Variants in ATRNL1 observed in about 807,000 individuals in gnomAD.
ATRNL1 encodes the protein attractin-like protein 1.
In ATRNL1, 95 loss-of-function variants were observed where a neutral mutation model predicts 182.7. That is an observed-to-expected ratio of 0.52 (90% CI 0.44 to 0.62). ATRNL1 has a LOEUF of 0.62. Among genes scored for constraint, ATRNL1 ranks in the 20% least tolerant of loss-of-function variants. ATRNL1 has a pLI of 0.00. For missense variants in ATRNL1, 1,471 were observed against 1,679.5 expected (o/e 0.88, Z 2.17); for synonymous variants, 576 against 568.3 (o/e 1.01, Z -0.19).
At chr10:115,566,517 C>G (rs1854085306) in intron 26 of ATRNL1, among the ~76,000 whole-genome samples, 1 of 151,988 alleles carries the variant, frequency 6.6e-6, no homozygotes, top group South Asian at 2.1e-4. Flanking sequence ...GTAGAATGTT[C>G]TTTGAAATGC....
At chr10:115,755,187 C>G (rs1178325556) in intron 27 of ATRNL1, among the ~76,000 whole-genome samples, 2 of 152,100 alleles carry the variant, frequency 1.3e-5, no homozygotes, top group African/African-American at 4.8e-5. Flanking sequence ...ATTGCCCTGG[C>G]CAGAACTTCC....
intron 17 of ATRNL1, among the ~76,000 whole-genome samples, chr10:115,315,047 C>T (rs1462989819): frequency 6.6e-6 from 1 of 152,068 alleles, no homozygotes; most frequent in African/African-American, 2.4e-5. Context: ...AATAGGTAGT[C>T]CAAATATAGC....
At chr10:115,437,813 G>A (rs1017478655) in intron 21 of ATRNL1, among the ~76,000 whole-genome samples, 6 of 151,958 alleles carry the variant, frequency 3.9e-5, no homozygotes, top group East Asian at 1.9e-4. Context: ...TAACTTTATC[G>A]AATGCCTTTA....
intron 26 of ATRNL1, among the ~76,000 whole-genome samples, chr10:115,685,730 A>T (rs570513340): frequency 2.1e-4 from 32 of 151,922 alleles, no homozygotes; most frequent in Non-Finnish European, 4.3e-4. Context: ...TATCATCTGT[A>T]TTTTTATTTG....
chr10:115,327,002 A>C (rs1261326078), intron 18 of ATRNL1, among the ~76,000 whole-genome samples: 24 of 152,138 alleles, frequency 1.6e-4, no homozygotes, highest in Non-Finnish European at 3.2e-4. Context: ...CCTAGGCATT[A>C]CCATTCAGGA....
At chr10:115,614,216 C>T (rs781867975) in intron 26 of ATRNL1, among the ~76,000 whole-genome samples, 8 of 151,712 alleles carry the variant, frequency 5.3e-5, no homozygotes, top group South Asian at 2.1e-4. Context: ...GGTTTTGGGG[C>T]GTTGTTTTCT....
At chr10:115,806,891 C>G (rs1388872010) in intron 27 of ATRNL1, among the ~76,000 whole-genome samples, 1 of 152,104 alleles carries the variant, frequency 6.6e-6, no homozygotes, top group African/African-American at 2.4e-5. Context: ...ACTACACAGG[C>G]ATTAACAGCA....
At chr10:115,321,960 A>T (rs1854606673) in intron 18 of ATRNL1, among the ~76,000 whole-genome samples, 1 of 152,142 alleles carries the variant, frequency 6.6e-6, no homozygotes, top group South Asian at 2.1e-4. Context: ...TAGCATTTTC[A>T]TACATGAACA....
intron 27 of ATRNL1, among the ~76,000 whole-genome samples, chr10:115,730,936 T>G (rs1947779212): frequency 6.6e-6 from 1 of 152,104 alleles, no homozygotes; most frequent in African/African-American, 2.4e-5. Flanking sequence ...AGTCCAGTGT[T>G]CGAGGGCAGG....
chr10:115,661,284 T>A (rs542038350), intron 26 of ATRNL1, among the ~76,000 whole-genome samples: 1 of 152,138 alleles, frequency 6.6e-6, no homozygotes, highest in Non-Finnish European at 1.5e-5. Context: ...ATTTTATGCA[T>A]AGAAATGTTT....
Position 115,583,922 on chromosome 10 carries a change from C to T in ATRNL1, c.3795+34386C>T, listed in dbSNP as rs1273863859. On this transcript the variant is annotated intron_variant, in intron 26 of 28. Coordinates refer to ENST00000355044, the MANE Select transcript of ATRNL1 (RefSeq NM_207303.4). Reference sequence around the variant, plus strand: ...CAGCTCTTATTATTTTGAGATACGTCCCATCAATACCTAATTTATTGAGAG... The same window carrying T: ...CAGCTCTTATTATTTTGAGATACGTTCCATCAATACCTAATTTATTGAGAG... Among the ~76,000 whole-genome samples, 4 of 151,896 alleles carry T rather than the reference C, an allele frequency of 2.6e-5. No homozygotes were observed. In the East Asian group the frequency reaches 5.9e-4, roughly 22 times the overall value.
chr10:115,686,834 C>T (rs79047060), intron 26 of ATRNL1, among the ~76,000 whole-genome samples: 7,231 of 152,036 alleles, frequency 0.048, 572 homozygotes, highest in African/African-American at 0.16. Flanking sequence ...TAGCTAAGCA[C>T]CTTATTGAGT....
chr10:115,356,433 AG>A (rs1255069948), intron 19 of ATRNL1, among the ~76,000 whole-genome samples: 1 of 152,070 alleles, frequency 6.6e-6, no homozygotes, highest in Non-Finnish European at 1.5e-5. Context: ...AATATTCCAA[AG>A]AGAGGCCATC....
chr10:115,831,522 C>T (rs1247301976), intron 27 of ATRNL1, among the ~76,000 whole-genome samples: 2 of 152,090 alleles, frequency 1.3e-5, no homozygotes, highest in African/African-American at 4.8e-5. Context: ...CAGTGAAAAG[C>T]ACGCCGGGGT....
At chr10:115,365,004 G>A (rs1201168043) in intron 19 of ATRNL1, among the ~76,000 whole-genome samples, 8 of 150,300 alleles carry the variant, frequency 5.3e-5, no homozygotes, top group Non-Finnish European at 1.0e-4. Flanking sequence ...GTCTCTGCCC[G>A]GCTTTGGTAT....
chr10:115,178,676 A>G (rs1275645480), intron 8 of ATRNL1, among the ~76,000 whole-genome samples: 1 of 152,100 alleles, frequency 6.6e-6, no homozygotes, highest in Admixed American at 6.6e-5. Flanking sequence ...AGTGCCTTAC[A>G]AAAAGTGCTG....
chr10:115,884,263 T>C (rs1951892788), intron 28 of ATRNL1, among the ~76,000 whole-genome samples: 1 of 152,214 alleles, frequency 6.6e-6, no homozygotes, highest in African/African-American at 2.4e-5. Context: ...TGGCCTATTT[T>C]CAAGGATGGG....
intron 1 of ATRNL1, among the ~76,000 whole-genome samples, chr10:115,104,598 A>G (rs1166087400): frequency 6.6e-6 from 1 of 152,010 alleles, no homozygotes; most frequent in Admixed American, 6.6e-5. Flanking sequence ...CTTGTGGGGT[A>G]TTACTCAAGA....
In ATRNL1 at chr10:115,488,013, G is replaced by A. The variant is rs149943492; in HGVS notation, c.3654+18684G>A. ...TTTTTGTCATTGGTTCTGTTTATGC[G>A]ATGGACTAGTTTATTGATTTGCGTA... On this transcript the variant is annotated intron_variant, in intron 24 of 28. Transcript: ENST00000355044. 1.7e-4 allele frequency among the ~76,000 whole-genome samples: 26 copies of A among 152,234 alleles called. 2 individuals carry two copies. The East Asian group carries it at 4.4e-3, about 26-fold the overall frequency.
Sources: gnomAD v4.1 joint callset for allele counts (sites outside exome capture counted in the v4.1 genomes callset) on GRCh38, gnomAD v4.1.1 for gene constraint, MANE v1.5 for transcripts, NCBI Gene and HGNC (gene_info 2026-07-23, HGNC 2026-07-21) for gene names.